DLG2: variants seen among roughly 807,000 people sequenced by gnomAD.
The protein encoded by DLG2 is discs large MAGUK scaffold protein 2.
In DLG2, 45 loss-of-function variants were observed where a neutral mutation model predicts 132.5. The observed-to-expected ratio is 0.34, with a 90% CI of 0.27 to 0.44. The LOEUF is 0.44. DLG2 is among the 20% of genes least tolerant of loss of function. The pLI is 1.00. For missense variants in DLG2, 1,045 were observed against 1,196.9 expected, an observed-to-expected ratio of 0.87 and a Z score of 1.87; for synonymous variants, 424 against 419.6, an observed-to-expected ratio of 1.01 and a Z score of -0.13.
intron 4 of DLG2, among the ~76,000 whole-genome samples, chr11:85,213,448 T>A (rs1019699092): frequency 1.3e-5 from 2 of 152,056 alleles, no homozygotes; most frequent in Non-Finnish European, 2.9e-5. Context: ...ATTCAAAGAT[T>A]TTCTCACTGG....
intron 19 of DLG2, among the ~76,000 whole-genome samples, chr11:83,627,359 T>G: frequency 6.6e-6 from 1 of 150,494 alleles, no homozygotes; most frequent in East Asian, 2.0e-4. Flanking sequence ...CCCTCCCCTC[T>G]TCCCCCACCC....
intron 19 of DLG2, among the ~76,000 whole-genome samples, chr11:83,588,655 G>C (rs1843285065): frequency 6.6e-6 from 1 of 151,578 alleles, no homozygotes; most frequent in Non-Finnish European, 1.5e-5. Context: ...ACTTTGACGA[G>C]CTGAGAGAAG....
chr11:84,328,240 G>A (rs1484109829), intron 7 of DLG2, among the ~76,000 whole-genome samples: 1 of 151,832 alleles, frequency 6.6e-6, no homozygotes, highest in Non-Finnish European at 1.5e-5. Flanking sequence ...AAAAGCAAGG[G>A]GGGAAGTGAA....
At chr11:84,834,591 C>G (rs1443150340) in intron 6 of DLG2, among the ~76,000 whole-genome samples, 1 of 151,366 alleles carries the variant, frequency 6.6e-6, no homozygotes, top group East Asian at 1.9e-4. Flanking sequence ...GGGGAAAGCA[C>G]AACTCTAAAG....
intron 3 of DLG2, among the ~76,000 whole-genome samples, chr11:85,473,293 C>T (rs1461445440): frequency 6.6e-6 from 1 of 152,156 alleles, no homozygotes; most frequent in Non-Finnish European, 1.5e-5. Flanking sequence ...GCCACAAGGT[C>T]CCCAGCTGGC....
intron 3 of DLG2, among the ~76,000 whole-genome samples, chr11:85,396,461 G>A (rs774654361): frequency 6.6e-6 from 1 of 151,964 alleles, no homozygotes; most frequent in Non-Finnish European, 1.5e-5. Context: ...TCAGAAGGTC[G>A]GTAATAACAA....
chr11:84,148,941 G>C (rs1239945467), intron 9 of DLG2, among the ~76,000 whole-genome samples: 2 of 152,050 alleles, frequency 1.3e-5, no homozygotes, highest in Non-Finnish European at 2.9e-5. Flanking sequence ...TCTCACTGTG[G>C]TTTTGATTTG....
chr11:83,864,899 G>A (rs1160305989), intron 16 of DLG2, among the ~76,000 whole-genome samples: 1 of 152,116 alleles, frequency 6.6e-6, no homozygotes, highest in African/African-American at 2.4e-5. Flanking sequence ...AATGATACCT[G>A]AGGCAATCCT....
chr11:85,033,010 G>A (rs1239893395), intron 6 of DLG2, among the ~76,000 whole-genome samples: 2 of 152,312 alleles, frequency 1.3e-5, no homozygotes, highest in East Asian at 3.9e-4. Context: ...TGCATGCCAA[G>A]TGAAAAGCAA....
intron 11 of DLG2, among the ~76,000 whole-genome samples, chr11:84,029,348 G>A (rs1202754608): frequency 6.6e-6 from 1 of 151,996 alleles, no homozygotes; most frequent in Non-Finnish European, 1.5e-5. Flanking sequence ...CCAGTTGAAT[G>A]CTCACCATAC....
At chr11:85,392,583 A>G (rs2086893180) in intron 3 of DLG2, among the ~76,000 whole-genome samples, 1 of 152,202 alleles carries the variant, frequency 6.6e-6, no homozygotes, top group Non-Finnish European at 1.5e-5. Context: ...CTATAAGGCC[A>G]TAGTCACCAA....
At chr11:83,602,784 G>A (rs556720409) in intron 19 of DLG2, among the ~76,000 whole-genome samples, 11 of 152,180 alleles carry the variant, frequency 7.2e-5, no homozygotes, top group Non-Finnish European at 1.6e-4. Flanking sequence ...AAGTGCTCAG[G>A]AAATGGTGAC....
intron 6 of DLG2, among the ~76,000 whole-genome samples, chr11:84,682,165 C>T (rs1205259459): frequency 2.0e-5 from 3 of 152,136 alleles, no homozygotes; most frequent in Non-Finnish European, 4.4e-5. Context: ...TCGCATTAAG[C>T]CCCACCTCCA....
At chr11:83,477,985 C>T (rs1026603493) in intron 22 of DLG2, among the ~76,000 whole-genome samples, 14 of 152,062 alleles carry the variant, frequency 9.2e-5, no homozygotes, top group Middle Eastern at 3.2e-3. Context: ...CTCTCTGAAA[C>T]TACCTCTTAT....
At chr11:84,449,449 A>G (rs1158182494) in intron 7 of DLG2, among the ~76,000 whole-genome samples, 1 of 151,752 alleles carries the variant, frequency 6.6e-6, no homozygotes, top group African/African-American at 2.4e-5. Context: ...ACAAAGTTTT[A>G]AAAAAGGTGT....
chr11:83,638,132 CA>C (rs2153472914), intron 18 of DLG2, among the ~76,000 whole-genome samples: 2 of 152,220 alleles, frequency 1.3e-5, no homozygotes, highest in South Asian at 4.2e-4. Context: ...CTTCATGAAA[CA>C]TTACCCCCAG....
rs182096044 is a variant in DLG2, at chr11:85,557,579, A to G, written c.40+41078T>C. Among the ~76,000 whole-genome samples, 5 of 152,008 alleles carry G rather than the reference A, an allele frequency of 3.3e-5. 1 individual carries two copies. The highest frequency in any genetic ancestry group is 3.3e-4 in the Admixed American group (5 of 15,238). On this transcript the variant is annotated intron_variant, in intron 3 of 27. Transcript: ENST00000376104. ...TACACCCTAAAGCTACAGTACCAAAACAGCATGTTAATGGTACAAGAACAG... is the reference window on the plus strand; with the variant it reads ...TACACCCTAAAGCTACAGTACCAAAGCAGCATGTTAATGGTACAAGAACAG...
chr11:85,055,224 A>G (rs552670793), intron 6 of DLG2, among the ~76,000 whole-genome samples: 1 of 152,312 alleles, frequency 6.6e-6, no homozygotes, highest in Non-Finnish European at 1.5e-5. Flanking sequence ...TTTAAAATTA[A>G]TGAGAGAAGA....
chr11:85,026,836 CA>C (rs909697641), intron 6 of DLG2, among the ~76,000 whole-genome samples: 2 of 151,268 alleles, frequency 1.3e-5, no homozygotes, highest in African/African-American at 4.9e-5. Context: ...GACTCTGTCT[CA>C]AAAAAATAAA....
Sources: allele counts gnomAD v4.1 joint callset (sites outside exome capture counted in the v4.1 genomes callset), GRCh38; gene constraint gnomAD v4.1.1; transcripts MANE v1.5; gene names NCBI Gene and HGNC (gene_info 2026-07-23, HGNC 2026-07-21).